The following CDH4 variants were observed in gnomAD, a reference collection of about 807,000 sequenced individuals.
The protein encoded by CDH4 is cadherin 4.
In CDH4, 33 loss-of-function variants were observed where a neutral mutation model predicts 86.0. That is an observed-to-expected ratio of 0.38 (90% CI 0.29 to 0.51). The LOEUF (loss-of-function observed/expected upper bound fraction) is 0.51, where lower values mean the gene tolerates loss of function less well. CDH4 is among the 20% of genes least tolerant of loss of function. The probability of loss-of-function intolerance (pLI) is 0.86; values close to 1 mark genes in which losing one functional copy is unlikely to be tolerated. For synonymous variants in CDH4, 555 were observed against 549.4 expected (o/e 1.01, Z -0.14); for missense variants, 1,114 against 1,307.4 (o/e 0.85, Z 2.28).
chr20:61,456,906 C>T (rs140423575), intron 2 of CDH4, among the ~76,000 whole-genome samples: 25 of 152,298 alleles, frequency 1.6e-4, no homozygotes, highest in Non-Finnish European at 5.9e-5. Context: ...AGTTAACATG[C>T]TGGGAATGAG....
intron 2 of CDH4, among the ~76,000 whole-genome samples, chr20:61,458,030 G>C (rs2085418798): frequency 6.6e-6 from 1 of 151,428 alleles, no homozygotes; most frequent in African/African-American, 2.4e-5. Flanking sequence ...TTATGATGTT[G>C]ATGGCAGTGC....
At chr20:61,911,443 G>A (rs184299659) in intron 9 of CDH4, among the ~76,000 whole-genome samples, 16 of 152,276 alleles carry the variant, frequency 1.1e-4, no homozygotes, top group African/African-American at 2.9e-4. Flanking sequence ...CTTAGCAATC[G>A]TTTACAACTT....
intron 2 of CDH4, among the ~76,000 whole-genome samples, chr20:61,323,393 A>C (rs574415775): frequency 6.6e-5 from 10 of 152,324 alleles, no homozygotes; most frequent in Non-Finnish European, 1.0e-4. Context: ...CTTCACCTCC[A>C]CCAGGCATTC....
chr20:61,556,806 G>A lies in CDH4; in HGVS notation c.170-186757G>A, dbSNP rs114311060. ...AGTGGCTGTCCTCTGCACAGCTGCT[G>A]TCAGACAAGGAGGGTGAAAGGGAGC... On this transcript the variant is annotated intron_variant, in intron 2 of 15. Coordinates refer to ENST00000614565, the MANE Select transcript of CDH4 (RefSeq NM_001794.5). Among the ~76,000 whole-genome samples, 1,291 of 152,248 alleles carry A rather than the reference G, an allele frequency of 8.5e-3. 17 individuals carry two copies. Among genetic ancestry groups the A allele is most frequent in the African/African-American group, 0.029 (1,222 of 41,534 alleles).
At chr20:61,363,071 T>G (rs928729664) in intron 2 of CDH4, among the ~76,000 whole-genome samples, 1 of 152,138 alleles carries the variant, frequency 6.6e-6, no homozygotes, top group African/African-American at 2.4e-5. Flanking sequence ...AGCTCTGACA[T>G]CTCCTCATTC....
chr20:61,879,849 T>C lies in CDH4; in HGVS notation c.1050+5949T>C, dbSNP rs1199935742. On this transcript the variant is annotated intron_variant, in intron 7 of 15. Coordinates refer to ENST00000614565, the MANE Select transcript of CDH4 (RefSeq NM_001794.5). The surrounding 1 kb of genome is among the most constrained non-coding windows in gnomAD (Gnocchi z 4.1). ...CAGGCTGCTCCCGAGGATGTTGATT[T>C]TGTTATTAGAAACTGAATCCGGCCT... Among the ~76,000 whole-genome samples the C allele has an allele frequency of 6.6e-6, 1 of 152,176 alleles. No individual in the cohort carries two copies. Among genetic ancestry groups the C allele is most frequent in the African/African-American group, 2.4e-5 (1 of 41,440 alleles).
At chr20:61,514,970 C>T (rs767712389) in intron 2 of CDH4, among the ~76,000 whole-genome samples, 21 of 152,056 alleles carry the variant, frequency 1.4e-4, no homozygotes, top group African/African-American at 4.1e-4. Flanking sequence ...GGCATTGGGG[C>T]GGGGGCGGGT....
chr20:61,294,883 C>A (rs1362993442), intron 2 of CDH4, among the ~76,000 whole-genome samples: 1 of 152,236 alleles, frequency 6.6e-6, no homozygotes, highest in Non-Finnish European at 1.5e-5. Flanking sequence ...CTGGCTGGTG[C>A]ATCGGGCACA....
intron 11 of CDH4, among the ~76,000 whole-genome samples, chr20:61,927,135 G>A (rs928323426): frequency 1.3e-5 from 2 of 152,254 alleles, no homozygotes; most frequent in Non-Finnish European, 2.9e-5. Flanking sequence ...AGAGACATCC[G>A]TGGGATACAT....
chr20:61,382,194 T>C (rs1335193377), intron 2 of CDH4, among the ~76,000 whole-genome samples: 1 of 152,192 alleles, frequency 6.6e-6, no homozygotes, highest in African/African-American at 2.4e-5. Flanking sequence ...GGCTTAAACG[T>C]AAAAATAAGA....
chr20:61,665,121 G>A (rs978029351), intron 2 of CDH4, among the ~76,000 whole-genome samples: 1 of 152,242 alleles, frequency 6.6e-6, no homozygotes, highest in Non-Finnish European at 1.5e-5. Flanking sequence ...GAGTTGAGAA[G>A]GACAATCCAG....
At chr20:61,903,128 A>ACATT (rs748599295) in intron 8 of CDH4, among the ~76,000 whole-genome samples, 12 of 152,148 alleles carry the variant, frequency 7.9e-5, no homozygotes, top group East Asian at 7.7e-4. Context: ...TTATGTTTGC[A>ACATT]CATTCATTCA....
chr20:61,920,215 G>A (rs2122960796), intron 9 of CDH4, among the ~76,000 whole-genome samples: 1 of 150,868 alleles, frequency 6.6e-6, no homozygotes, highest in East Asian at 2.0e-4. Flanking sequence ...CTGCGTGGAA[G>A]CATGGTGTCA....
chr20:61,343,430 A>G (rs2084659313), intron 2 of CDH4, among the ~76,000 whole-genome samples: 1 of 152,212 alleles, frequency 6.6e-6, no homozygotes, highest in Non-Finnish European at 1.5e-5. Flanking sequence ...TAGTTATGTG[A>G]GAAAATGTGT....
intron 2 of CDH4, among the ~76,000 whole-genome samples, chr20:61,637,461 A>T (rs1309745268): frequency 6.6e-6 from 1 of 152,280 alleles, no homozygotes; most frequent in African/African-American, 2.4e-5. Context: ...TGCCTTGGTT[A>T]CCTGCTTTTA....
chr20:61,620,298 T>TGGTA (rs1488989783), intron 2 of CDH4, among the ~76,000 whole-genome samples: 5 of 145,280 alleles, frequency 3.4e-5, no homozygotes, highest in African/African-American at 1.3e-4. Flanking sequence ...GGATGATAGA[T>TGGTA]GGTAGGTAGA....
chr20:61,414,992 C>T (rs113736688), intron 2 of CDH4, among the ~76,000 whole-genome samples: 2,844 of 152,334 alleles, frequency 0.019, 81 homozygotes, highest in African/African-American at 0.063. Context: ...CTCACGGTGA[C>T]TCCAAAGATT....
intron 2 of CDH4, among the ~76,000 whole-genome samples, chr20:61,476,627 G>C (rs1364529172): frequency 6.6e-6 from 1 of 152,240 alleles, no homozygotes. Flanking sequence ...CTTCAGAGCT[G>C]CTCGCCCCAC....
chr20:61,530,624 C>T (rs539063518), intron 2 of CDH4, among the ~76,000 whole-genome samples: 15 of 152,152 alleles, frequency 9.9e-5, no homozygotes, highest in Non-Finnish European at 1.5e-4. Context: ...CAGAGGCCCT[C>T]GGAAAATAGA....
Sources: allele counts gnomAD v4.1 joint callset (sites outside exome capture counted in the v4.1 genomes callset), GRCh38; gene constraint gnomAD v4.1.1; non-coding constraint Gnocchi (gnomAD v3.1); transcripts MANE v1.5; gene names NCBI Gene and HGNC (gene_info 2026-07-23, HGNC 2026-07-21).